Variants in SPOCK1 observed in about 807,000 individuals in gnomAD.
The protein encoded by SPOCK1 is SPARC (osteonectin), cwcv and kazal like domains proteoglycan 1, also known as testican-1.
SPOCK1 carries 23 observed loss-of-function variants against 55.3 expected under a neutral mutation model. That is an observed-to-expected ratio of 0.42 (90% CI 0.30 to 0.59). The LOEUF is 0.59. SPOCK1 is among the 20% of genes least tolerant of loss of function. The pLI is 0.22. For missense variants in SPOCK1, 499 were observed against 552.5 expected (o/e 0.90, Z 0.97); for synonymous variants, 226 against 221.0 (o/e 1.02, Z -0.20).
chr5:137,423,168 A>G (rs1451164386), intron 2 of SPOCK1, among the ~76,000 whole-genome samples: 7 of 152,170 alleles, frequency 4.6e-5, no homozygotes, highest in African/African-American at 1.7e-4. Context: ...AGGAGTACCC[A>G]GCTGTGTGAG....
At chr5:137,281,109 A>G (rs1004597645) in intron 2 of SPOCK1, among the ~76,000 whole-genome samples, 1 of 152,180 alleles carries the variant, frequency 6.6e-6, no homozygotes, top group African/African-American at 2.4e-5. Flanking sequence ...TTAAATTCAT[A>G]TATTATCTAT....
At chr5:137,355,483 C>T (rs1321097857) in intron 2 of SPOCK1, among the ~76,000 whole-genome samples, 2 of 152,138 alleles carry the variant, frequency 1.3e-5, no homozygotes, top group Non-Finnish European at 2.9e-5. Context: ...GCCACCACAC[C>T]CAGTCCTGAC....
At chr5:137,002,560 A>G (rs1751172208) in intron 6 of SPOCK1, among the ~76,000 whole-genome samples, 1 of 152,158 alleles carries the variant, frequency 6.6e-6, no homozygotes, top group African/African-American at 2.4e-5. Flanking sequence ...CTCCCTAGCC[A>G]GTGGGTCAGC....
intron 4 of SPOCK1, among the ~76,000 whole-genome samples, chr5:137,115,032 A>G (rs927702509): frequency 6.6e-6 from 1 of 152,234 alleles, no homozygotes; most frequent in Non-Finnish European, 1.5e-5. Flanking sequence ...ATCAATCACC[A>G]GTTAATGACA....
chr5:137,347,822 C>T (rs1031212192), intron 2 of SPOCK1, among the ~76,000 whole-genome samples: 2 of 152,026 alleles, frequency 1.3e-5, no homozygotes, highest in African/African-American at 2.4e-5. Flanking sequence ...CTGGCACAGG[C>T]GTAACGTGAT....
chr5:137,209,137 A>G lies in SPOCK1; in HGVS notation c.232+57873T>C, dbSNP rs925977679. Among the ~76,000 whole-genome samples the G allele has an allele frequency of 5.3e-5, 8 of 152,182 alleles. No individual in the cohort carries two copies. In the South Asian group the frequency reaches 1.7e-3, roughly 32 times the overall value. Reference sequence around the variant, plus strand: ...AATGTTATTTCCACCCTTCAACCTAATGAGACATCTTTTTAAAAAATTTCT... The same window carrying G: ...AATGTTATTTCCACCCTTCAACCTAGTGAGACATCTTTTTAAAAAATTTCT... On this transcript the variant is annotated intron_variant, in intron 3 of 10. Transcript: ENST00000394945.
At chr5:137,392,599 C>A (rs553939699) in intron 2 of SPOCK1, among the ~76,000 whole-genome samples, 1 of 152,276 alleles carries the variant, frequency 6.6e-6, no homozygotes, top group East Asian at 1.9e-4. Context: ...TGACCTTAGA[C>A]AAGCTGTTTA....
chr5:137,380,134 G>A (rs546402637), intron 2 of SPOCK1, among the ~76,000 whole-genome samples: 55 of 152,258 alleles, frequency 3.6e-4, no homozygotes, highest in Middle Eastern at 3.4e-3. Context: ...TGTGAATCAC[G>A]CTCCATCTAT....
At chr5:137,195,160 A>G (rs1755273708) in intron 3 of SPOCK1, among the ~76,000 whole-genome samples, 1 of 152,162 alleles carries the variant, frequency 6.6e-6, no homozygotes, top group African/African-American at 2.4e-5. Flanking sequence ...CAAACTAAAT[A>G]AGCTCGTTTG....
chr5:137,008,330 A>AC (rs58040471), intron 6 of SPOCK1, among the ~76,000 whole-genome samples: 5,201 of 150,968 alleles, frequency 0.034, 139 homozygotes, highest in Non-Finnish European at 0.048. Flanking sequence ...ACACACACAC[A>AC]ATCAACACAG....
At chr5:137,422,057 AGCTCAGTTTG>A (rs1752510952) in intron 2 of SPOCK1, among the ~76,000 whole-genome samples, 1 of 152,320 alleles carries the variant, frequency 6.6e-6, no homozygotes, top group Admixed American at 6.5e-5. Context: ...TCACTTATGA[AGCTCAGTTTG>A]GCTGGATGTG....
chr5:137,214,673 A>G (rs555567055), intron 3 of SPOCK1, among the ~76,000 whole-genome samples: 1 of 152,316 alleles, frequency 6.6e-6, no homozygotes, highest in East Asian at 1.9e-4. Flanking sequence ...CTCACATACC[A>G]AGTGCTAGTG....
At chr5:137,067,471 T>C (rs780500467) in intron 6 of SPOCK1, among the ~76,000 whole-genome samples, 2 of 152,214 alleles carry the variant, frequency 1.3e-5, no homozygotes, top group South Asian at 2.1e-4. Context: ...ATAGCGAATA[T>C]GACCTCTAAA....
At chr5:137,489,298 G>A (rs11748127) in intron 2 of SPOCK1, among the ~76,000 whole-genome samples, 2,107 of 152,252 alleles carry the variant, frequency 0.014, 19 homozygotes, top group Admixed American at 0.024. Flanking sequence ...CAGTGGAAGG[G>A]GAAAAGGTAA....
chr5:137,176,560 AT>A (rs1401054824), intron 3 of SPOCK1, among the ~76,000 whole-genome samples: 28 of 151,908 alleles, frequency 1.8e-4, no homozygotes, highest in Admixed American at 1.8e-3. Flanking sequence ...ACGTATGTAT[AT>A]TTACCTTACT....
At chr5:137,127,353 A>G (rs1405346293) in intron 4 of SPOCK1, among the ~76,000 whole-genome samples, 3 of 152,252 alleles carry the variant, frequency 2.0e-5, no homozygotes, top group Non-Finnish European at 4.4e-5. Flanking sequence ...CTACCAGTGT[A>G]TGATTCCAGC....
chr5:137,150,326 T>C (rs1754295569), intron 3 of SPOCK1, among the ~76,000 whole-genome samples: 1 of 152,164 alleles, frequency 6.6e-6, no homozygotes, highest in Non-Finnish European at 1.5e-5. Flanking sequence ...GCCTTGTCTC[T>C]ACCCACAGAT....
chr5:137,206,900 A>G (rs985973089), intron 3 of SPOCK1, among the ~76,000 whole-genome samples: 3 of 152,348 alleles, frequency 2.0e-5, no homozygotes, highest in East Asian at 3.9e-4. Context: ...AGATTTAAAG[A>G]CTTGTCAAAG....
intron 2 of SPOCK1, among the ~76,000 whole-genome samples, chr5:137,408,972 T>C (rs2127187917): frequency 6.6e-6 from 1 of 152,302 alleles, no homozygotes; most frequent in Middle Eastern, 3.4e-3. Flanking sequence ...GCTCAATTTA[T>C]GTTTCACGAA....
Sources: allele counts gnomAD v4.1 joint callset (sites outside exome capture counted in the v4.1 genomes callset), GRCh38; gene constraint gnomAD v4.1.1; transcripts MANE v1.5; gene names NCBI Gene and HGNC (gene_info 2026-07-23, HGNC 2026-07-21).